The following ZNF85 variants were observed in gnomAD, a reference collection of about 807,000 sequenced individuals.
ZNF85 encodes the protein zinc finger protein 85 (HPF4, HTF1).
Under a neutral mutation model 53.9 loss-of-function variants are expected in ZNF85, and 50 were observed. The ratio of observed to expected loss-of-function variants is 0.93; its 90% CI spans 0.74 to 1.17. The LOEUF (loss-of-function observed/expected upper bound fraction) is 1.17. Ranked by LOEUF, ZNF85 falls within the 50% of genes most tolerant of loss-of-function variation. The probability of loss-of-function intolerance (pLI) is 0.00; values close to 1 mark genes in which losing one functional copy is unlikely to be tolerated. For missense variants in ZNF85, 747 were observed against 688.5 expected, an observed-to-expected ratio of 1.08 and a Z score of -0.95; for synonymous variants, 225 against 226.1, an observed-to-expected ratio of 1.00 and a Z score of 0.04.
chr19:20,924,566 C>T (rs1224448694), intron 1 of ZNF85, among the ~76,000 whole-genome samples: 1 of 152,174 alleles, frequency 6.6e-6, no homozygotes, highest in Admixed American at 6.5e-5. Flanking sequence ...ACTCCCTGTT[C>T]TTCCAGATTA....
intron 3 of ZNF85, among the ~76,000 whole-genome samples, chr19:20,939,924 C>T (rs1000643930): frequency 1.3e-5 from 2 of 151,778 alleles, no homozygotes; most frequent in African/African-American, 4.8e-5. Context: ...CTCGAACTCC[C>T]GACCTCAGGT....
intron 1 of ZNF85, among the ~76,000 whole-genome samples, chr19:20,923,915 CAATTT>C (rs1403210802): frequency 6.6e-6 from 1 of 151,958 alleles, no homozygotes; most frequent in African/African-American, 2.4e-5. Flanking sequence ...AACCCCGTCT[CAATTT>C]TTAAAAATAC....
Position 20,949,550 on chromosome 19 carries a change from A to C in ZNF85, c.1036A>C (p.Lys346Gln), listed in dbSNP as rs748247301. The C allele has an allele frequency of 3.8e-5, 62 of 1,610,616 alleles. No individual in the cohort carries two copies. The highest frequency in any genetic ancestry group is 4.8e-5 in the Non-Finnish European group (56 of 1,178,746). The change falls in exon 4 of 4, where the codon AAA (lysine) becomes CAA (glutamine). Residue 346 changes from lysine (K) to glutamine (Q), a missense_variant. Coordinates refer to ENST00000328178, the MANE Select transcript of ZNF85 (RefSeq NM_003429.5). ...TGGAGAGAAACCCTACAAATGTAAA[A>C]AATGTGGAAAAGCCTTTAACCAGTC... ...HTGEKPYKCK[K>Q]CGKAFNQSAH...
intron 3 of ZNF85, among the ~76,000 whole-genome samples, chr19:20,936,169 G>C (rs112036901): frequency 7.5e-6 from 1 of 133,868 alleles, no homozygotes; most frequent in Non-Finnish European, 1.6e-5. Flanking sequence ...TAATTTACTG[G>C]GTGTATTTAT....
chr19:20,941,498 A>G (rs1323936448), intron 3 of ZNF85, among the ~76,000 whole-genome samples: 1 of 152,072 alleles, frequency 6.6e-6, no homozygotes, highest in Non-Finnish European at 1.5e-5. Context: ...CCTGACCTCA[A>G]GTGATCCACC....
chr19:20,943,086 A>C (rs1418334667), intron 3 of ZNF85: 1 of 416,986 alleles, frequency 2.4e-6, no homozygotes, highest in Non-Finnish European at 4.2e-6. Context: ...AGTATTCTTA[A>C]ATTTAATAAG....
intron 1 of ZNF85, among the ~76,000 whole-genome samples, chr19:20,929,435 C>T (rs1451303342): frequency 6.6e-6 from 1 of 152,124 alleles, no homozygotes; most frequent in Non-Finnish European, 1.5e-5. Context: ...GATCCCACCT[C>T]AGCCTCCAAA....
At chr19:20,930,807 TTGC>T (rs111856764) in intron 1 of ZNF85, among the ~76,000 whole-genome samples, 1,820 of 152,316 alleles carry the variant, frequency 0.012, 34 homozygotes, top group African/African-American at 0.035. Context: ...AGTTTCGCTC[TTGC>T]TGCCCAGACT....
intron 1 of ZNF85, among the ~76,000 whole-genome samples, chr19:20,931,393 C>G (rs966695936): frequency 6.6e-6 from 1 of 151,922 alleles, no homozygotes; most frequent in Non-Finnish European, 1.5e-5. Context: ...TTACTTGTGC[C>G]CTTTCCACAG....
Position 20,935,009 on chromosome 19 carries a change from G to A in ZNF85, c.191G>A (p.Ser64Asn), listed in dbSNP as rs760479862. ...TCLEQGKEAW[S>N]MKRHEIMVAK... The stretch of plus-strand genomic sequence containing the variant: ...CTGGAGCAAGGGAAAGAGGCCTGGA[G>A]TATGAAGAGACATGAGATCATGGTG... The change falls in exon 3 of 4, where the codon AGT (serine) becomes AAT (asparagine). Residue 64 changes from serine to asparagine, a missense_variant. Coordinates refer to ENST00000328178, the MANE Select transcript of ZNF85 (RefSeq NM_003429.5). 1 of 1,611,756 alleles carries A rather than the reference G, an allele frequency of 6.2e-7. No individual in the cohort carries two copies. Among genetic ancestry groups the A allele is most frequent in the Non-Finnish European group, 8.5e-7 (1 of 1,178,874 alleles).
At chr19:20,946,438 T>TG (rs202002566) in intron 3 of ZNF85, 41,764 of 323,730 alleles carry the variant, frequency 0.13, 2,765 homozygotes, top group Middle Eastern at 0.15. Flanking sequence ...TCTAATATTC[T>TG]TTTTTTTTAT....
chr19:20,930,120 C>CAAAAAA (rs57832039), intron 1 of ZNF85, among the ~76,000 whole-genome samples: 31 of 79,250 alleles, frequency 3.9e-4, no homozygotes, highest in South Asian at 5.3e-4. Flanking sequence ...GACTCCGTCC[C>CAAAAAA]AAAAAAAAAA....
chr19:20,928,832 C>T (rs1010206399), intron 1 of ZNF85: 1 of 152,224 alleles, frequency 6.6e-6, no homozygotes, highest in African/African-American at 2.4e-5. Context: ...CAAAAACCTA[C>T]AGTCCTTCCA....
At chr19:20,934,203 T>C (rs764647094) in intron 2 of ZNF85, 53 bp downstream of exon 2, 266 of 1,567,192 alleles carry the variant, frequency 1.7e-4, no homozygotes, top group Non-Finnish European at 2.2e-4. Context: ...GTTTTATTTC[T>C]TTTATTTGTG....
chr19:20,934,527 C>T (rs139682400), intron 2 of ZNF85, among the ~76,000 whole-genome samples: 1,755 of 152,036 alleles, frequency 0.012, 30 homozygotes, highest in African/African-American at 0.033. Context: ...CCCAGCACTT[C>T]GGGAGGCTGA....
chr19:20,949,479 C>T lies in ZNF85; in HGVS notation c.965C>T (p.Ala322Val). ...KPYKCEECGK[A>V]FKQSSNLTTH... is the part of the protein sequence containing the mutation. The stretch of plus-strand genomic sequence containing the variant: ...TACAAATGTGAAGAATGTGGCAAAG[C>T]CTTTAAGCAGTCCTCAAACCTTACT... Residue 322 changes from alanine (A) to valine (V), a missense_variant, in exon 4 of 4, where the codon GCC becomes GTC. Coordinates refer to ENST00000328178, the MANE Select transcript of ZNF85 (RefSeq NM_003429.5). The T allele has an allele frequency of 6.2e-7, 1 of 1,613,356 alleles. No individual in the cohort carries two copies. The highest frequency in any genetic ancestry group is 1.3e-5 in the African/African-American group (1 of 74,948).
intron 2 of ZNF85, 98 bp from the exon 3 acceptor site, chr19:20,934,848 TAAA>T: frequency 1.6e-6 from 1 of 620,216 alleles, no homozygotes. Context: ...ATGTCTGTTA[TAAA>T]TTAGTATTTT....
At chr19:20,947,472 A>T (rs1599448084) in intron 3 of ZNF85, among the ~76,000 whole-genome samples, 1 of 118,052 alleles carries the variant, frequency 8.5e-6, no homozygotes, top group South Asian at 2.8e-4. Flanking sequence ...TGTAGGGCAT[A>T]TGCAGTGCCA....
Position 20,949,074 on chromosome 19 carries a change from C to A in ZNF85, c.560C>A (p.Ser187Ter), listed in dbSNP as rs763864372. 3 of 1,613,810 alleles carry A rather than the reference C, an allele frequency of 1.9e-6. No individual in the cohort carries two copies. Among genetic ancestry groups the A allele is most frequent in the Non-Finnish European group, 2.5e-6 (3 of 1,179,812 alleles). Residue 187 changes from serine (S) to a stop codon, truncating the protein, a stop_gained, in exon 4 of 4, where the codon TCA (serine) becomes TAA (stop). Transcript: ENST00000328178. LOFTEE classifies it high-confidence loss of function. Reference protein sequence around the residue: ...TKCGKSFGMISCLTEHSRIHT... With the variant: ...TKCGKSFGMI ...TGTGGCAAATCATTTGGCATGATTT[C>A]ATGCCTAACTGAACATAGCAGAATT...
Sources: allele counts gnomAD v4.1 joint callset (sites outside exome capture counted in the v4.1 genomes callset), GRCh38; gene constraint gnomAD v4.1.1; transcripts MANE v1.5; gene names NCBI Gene and HGNC (gene_info 2026-07-23, HGNC 2026-07-21).